COL4A2: variants seen among roughly 807,000 people sequenced by gnomAD.
The protein encoded by COL4A2 is collagen type IV alpha 2 chain.
In COL4A2, 99 loss-of-function variants were observed where a neutral mutation model predicts 200.2. The observed-to-expected ratio is 0.49, with a 90% CI of 0.42 to 0.58. COL4A2 has a LOEUF of 0.58. Ranked by LOEUF, COL4A2 falls within the 20% of genes least tolerant of loss-of-function variation. COL4A2 has a pLI of 0.00. For synonymous variants in COL4A2, 897 were observed against 900.6 expected (o/e 1.00, Z 0.07); for missense variants, 1,950 against 2,314.1 (o/e 0.84, Z 3.23).
chr13:110,457,836 T>C, intron 21 of COL4A2: 1 of 465,300 alleles, frequency 2.1e-6, no homozygotes, highest in South Asian at 1.6e-5. Flanking sequence ...AGCAAGGTGC[T>C]GGTATAGTCA....
intron 32 of COL4A2, among the ~76,000 whole-genome samples, chr13:110,483,821 G>T (rs1280168969): frequency 6.6e-6 from 1 of 152,208 alleles, no homozygotes; most frequent in African/African-American, 2.4e-5. Flanking sequence ...GGGATAAAGT[G>T]TTCTCAAGTT....
At chr13:110,353,585 A>G (rs1319521468) in intron 3 of COL4A2, among the ~76,000 whole-genome samples, 1 of 152,196 alleles carries the variant, frequency 6.6e-6, no homozygotes, top group Non-Finnish European at 1.5e-5. Context: ...GGAGATGCCA[A>G]GGCTCAGGTC....
intron 20 of COL4A2, among the ~76,000 whole-genome samples, chr13:110,454,488 C>T (rs151042297): frequency 5.8e-4 from 89 of 152,302 alleles, no homozygotes; most frequent in African/African-American, 1.9e-3. Context: ...CGACACTGCA[C>T]GTCTCATCAC....
intron 4 of COL4A2, among the ~76,000 whole-genome samples, chr13:110,410,529 C>T (rs1347148806): frequency 6.6e-6 from 1 of 152,176 alleles, no homozygotes; most frequent in East Asian, 1.9e-4. Context: ...TGGCACCTTC[C>T]TAAAACCTTC....
chr13:110,460,715 TTTTG>T (rs1328799822), intron 22 of COL4A2, among the ~76,000 whole-genome samples: 28 of 152,260 alleles, frequency 1.8e-4, no homozygotes, highest in Non-Finnish European at 3.8e-4. Flanking sequence ...TTTGGTTAGT[TTTTG>T]TTTGTTTGTT....
intron 26 of COL4A2, among the ~76,000 whole-genome samples, 176 bp downstream of exon 26, chr13:110,466,238 C>A (rs1566550077): frequency 6.6e-6 from 1 of 152,218 alleles, no homozygotes; most frequent in Non-Finnish European, 1.5e-5. Flanking sequence ...TGAATGACAA[C>A]CTGGTAGAGA....
intron 3 of COL4A2, among the ~76,000 whole-genome samples, chr13:110,346,747 G>T (rs974761764): frequency 2.6e-5 from 4 of 152,182 alleles, no homozygotes; most frequent in Admixed American, 2.6e-4. Context: ...CTGGGTGTTT[G>T]CTGTGTAGGT....
At chr13:110,474,046 G>C (rs1882582030) in intron 29 of COL4A2, among the ~76,000 whole-genome samples, 1 of 152,106 alleles carries the variant, frequency 6.6e-6, no homozygotes, top group Non-Finnish European at 1.5e-5. Context: ...AGGATTGCTT[G>C]AGCCCAGGAA....
At chr13:110,331,343 T>C (rs570656945) in intron 3 of COL4A2, among the ~76,000 whole-genome samples, 13 of 152,332 alleles carry the variant, frequency 8.5e-5, no homozygotes, top group Non-Finnish European at 1.6e-4. Flanking sequence ...GTAGTTTTCC[T>C]TTTACTCATC....
intron 4 of COL4A2, among the ~76,000 whole-genome samples, chr13:110,404,498 G>C (rs1008979682): frequency 6.6e-6 from 1 of 152,214 alleles, no homozygotes; most frequent in Non-Finnish European, 1.5e-5. Context: ...CCCCAGCTAA[G>C]ACACAAGGCA....
At chr13:110,388,899 G>C (rs762214314) in intron 4 of COL4A2, among the ~76,000 whole-genome samples, 8 of 152,112 alleles carry the variant, frequency 5.3e-5, no homozygotes, top group Non-Finnish European at 7.3e-5. Flanking sequence ...CTTTCCTTGG[G>C]CCCCTTCTGA....
rs778470478 is a variant in COL4A2, at chr13:110,424,689, G to A, written c.181-45G>A. ...AGTAACCGTAACTGATCATGAGTAT[G>A]TATTGTGATTAATCGTGGAAATTGA... On this transcript the variant is annotated intron_variant, in intron 4 of 47. Transcript: ENST00000360467. 72 of 1,385,190 alleles carry A rather than the reference G, an allele frequency of 5.2e-5. No individual in the cohort carries two copies. The East Asian group carries it at 1.6e-3, about 31-fold the overall frequency. 85.8% of individuals were successfully genotyped at this position (1,385,190 alleles called of 1,614,324 possible). A position where few individuals can be genotyped will look rare whatever the true frequency, so the allele number is the denominator to read the frequency against.
chr13:110,369,652 A>G (rs1444392296), intron 4 of COL4A2, among the ~76,000 whole-genome samples: 1 of 152,196 alleles, frequency 6.6e-6, no homozygotes, highest in African/African-American at 2.4e-5. Flanking sequence ...TAAAACTGCA[A>G]CAAAGGAAAA....
At chr13:110,495,219 G>A in intron 39 of COL4A2, 123 bp from the exon 40 acceptor site, 1 of 1,178,736 alleles carries the variant, frequency 8.5e-7, no homozygotes, top group Admixed American at 1.7e-5. Flanking sequence ...AATGCAAGCT[G>A]AAATCACCAT....
At chr13:110,456,520 T>C (rs1249543681) in intron 20 of COL4A2, 1 of 346,952 alleles carries the variant, frequency 2.9e-6, no homozygotes, top group South Asian at 2.2e-5. Flanking sequence ...AAAGGAATAA[T>C]TGTTATCCCT....
In COL4A2 at chr13:110,474,703, GTACACTCACATGATCACACA is replaced by G. The variant is rs1882618765; in HGVS notation, c.2425+1554_2425+1573del. On this transcript the variant is annotated intron_variant, in intron 29 of 47. Coordinates refer to ENST00000360467, the MANE Select transcript of COL4A2 (RefSeq NM_001846.4). ...CACACGTACCCACACACGTGCCTGT[GTACACTCACATGATCACACA>G]CGCACGTACCCACACACGTGCCGTG... Among the ~76,000 whole-genome samples the G allele has an allele frequency of 1.9e-5, 2 of 106,888 alleles. 1 individual carries two copies. Among genetic ancestry groups the G allele is most frequent in the Non-Finnish European group, 4.0e-5 (2 of 50,028 alleles). 70.1% of individuals were successfully genotyped at this position (106,888 alleles called of 152,430 possible).
At chr13:110,339,466 A>G (rs1373499562) in intron 3 of COL4A2, among the ~76,000 whole-genome samples, 1 of 152,190 alleles carries the variant, frequency 6.6e-6, no homozygotes, top group Non-Finnish European at 1.5e-5. Flanking sequence ...CTGGCCGGTC[A>G]GTCTCAAACG....
chr13:110,402,924 C>T (rs1320996752), intron 4 of COL4A2, among the ~76,000 whole-genome samples: 1 of 152,222 alleles, frequency 6.6e-6, no homozygotes, highest in Non-Finnish European at 1.5e-5. Flanking sequence ...CTTGTGTCCT[C>T]CAGAGAGACC....
intron 24 of COL4A2, chr13:110,462,970 C>T (rs1882093017): frequency 6.5e-6 from 1 of 154,850 alleles, no homozygotes; most frequent in Non-Finnish European, 1.5e-5. Context: ...CCTTATTTCT[C>T]ACGTCTTTTT....
Sources: gnomAD v4.1 joint callset for allele counts (sites outside exome capture counted in the v4.1 genomes callset) on GRCh38, gnomAD v4.1.1 for gene constraint, MANE v1.5 for transcripts, NCBI Gene and HGNC (gene_info 2026-07-23, HGNC 2026-07-21) for gene names.